Variants in RNF6 observed in about 807,000 individuals in gnomAD.
The protein encoded by RNF6 is ring finger protein 6, also known as E3 ubiquitin-protein ligase RNF6.
In RNF6, 21 loss-of-function variants were observed where a neutral mutation model predicts 50.1. The observed-to-expected ratio is 0.42, with a 90% confidence interval of 0.30 to 0.60. The LOEUF (loss-of-function observed/expected upper bound fraction) is 0.60. Ranked by LOEUF, RNF6 falls within the 20% of genes least tolerant of loss-of-function variation. The pLI is 0.20. For synonymous variants in RNF6, 255 were observed against 291.8 expected, an observed-to-expected ratio of 0.87 and a Z score of 1.29; for missense variants, 698 against 838.2, an observed-to-expected ratio of 0.83 and a Z score of 2.07.
intron 5 of RNF6, among the ~76,000 whole-genome samples, chr13:26,185,447 T>A (rs571743355): frequency 6.2e-4 from 95 of 152,200 alleles, no homozygotes; most frequent in African/African-American, 1.3e-3. Context: ...GCATTTTTTT[T>A]AAAAAAAGTT....
upstream of RNF6, chr13:26,222,416 C>G (rs752650636): frequency 6.6e-6 from 1 of 152,336 alleles, no homozygotes; most frequent in Non-Finnish European, 1.5e-5. Flanking sequence ...TGCCCGGCCG[C>G]TCAGCGCTCG....
At chr13:26,174,571 G>A (rs1008577934) in intron 5 of RNF6, among the ~76,000 whole-genome samples, 2 of 151,972 alleles carry the variant, frequency 1.3e-5, no homozygotes, top group Admixed American at 1.3e-4. Context: ...GCTGAGGCAG[G>A]AGAATCACTT....
intron 5 of RNF6, among the ~76,000 whole-genome samples, chr13:26,206,359 A>C (rs1869108958): frequency 6.6e-6 from 1 of 152,234 alleles, no homozygotes; most frequent in Non-Finnish European, 1.5e-5. Context: ...ACTGTGGTTA[A>C]GCAGACAGTG....
chr13:26,166,168 C>G (rs1171526055), intron 5 of RNF6, among the ~76,000 whole-genome samples: 1 of 152,204 alleles, frequency 6.6e-6, no homozygotes, highest in African/African-American at 2.4e-5. Flanking sequence ...AGTTTCCCTG[C>G]ACAATCTCTC....
At chr13:26,200,531 A>C (rs1830860) in intron 5 of RNF6, among the ~76,000 whole-genome samples, 1 of 151,336 alleles carries the variant, frequency 6.6e-6, no homozygotes, top group African/African-American at 2.4e-5. Context: ...TGCCTCAGCC[A>C]TGTAGCTGGG....
At chr13:26,188,942 G>A (rs4371022) in intron 5 of RNF6, among the ~76,000 whole-genome samples, 72,798 of 151,758 alleles carry the variant, frequency 0.48, 19,850 homozygotes, top group East Asian at 0.68. Context: ...ACAGATTTCT[G>A]AAGAGGTTGT....
chr13:26,172,576 C>G (rs750469457), intron 5 of RNF6, among the ~76,000 whole-genome samples: 4 of 150,958 alleles, frequency 2.6e-5, no homozygotes, highest in Non-Finnish European at 5.9e-5. Context: ...TGGAATCTTG[C>G]TCTGTCGCCC....
At chr13:26,164,023 T>C (rs1242232673) in intron 5 of RNF6, among the ~76,000 whole-genome samples, 2 of 152,102 alleles carry the variant, frequency 1.3e-5, no homozygotes, top group East Asian at 1.9e-4. Context: ...CCTAAATAAT[T>C]CACTGGAAAA....
rs145483016 is a variant in RNF6, at chr13:26,177,000, T to G, written n.768+38474A>C. Among the ~76,000 whole-genome samples, 16 of 152,126 alleles carry G rather than the reference T, an allele frequency of 1.1e-4. 1 individual carries two copies. The highest frequency in any genetic ancestry group is 7.2e-4 in the Admixed American group (11 of 15,276). On this transcript the variant is annotated intron_variant and non_coding_transcript_variant, in intron 5 of 5. Transcript: ENST00000468480. ...GAAGACAGAGACACAAAGTGGAGAA[T>G]GCCAAATGATGACAGCAACAGATAT...
At chr13:26,151,092 GT>G (rs1439040882) in intron 5 of RNF6, among the ~76,000 whole-genome samples, 20 of 152,162 alleles carry the variant, frequency 1.3e-4, no homozygotes, top group African/African-American at 4.6e-4. Flanking sequence ...TCCCTTGAGT[GT>G]GACACTATCA....
chr13:26,217,783 G>A (rs1299866260), intron 4 of RNF6, among the ~76,000 whole-genome samples: 1 of 152,188 alleles, frequency 6.6e-6, no homozygotes, highest in Non-Finnish European at 1.5e-5. Context: ...GTCACATGTG[G>A]CTAGCAGCTA....
intron 5 of RNF6, among the ~76,000 whole-genome samples, chr13:26,171,318 A>C (rs1409395264): frequency 1.3e-5 from 2 of 152,220 alleles, no homozygotes; most frequent in African/African-American, 4.8e-5. Context: ...GTCATTAGGG[A>C]AGCGCAAATC....
intron 5 of RNF6, among the ~76,000 whole-genome samples, chr13:26,173,631 A>T (rs1157548855): frequency 2.0e-5 from 3 of 152,162 alleles, no homozygotes; most frequent in African/African-American, 7.2e-5. Context: ...GGCAGAAGGA[A>T]GGAGCTGGAC....
At chr13:26,154,503 A>C (rs1871800721) in intron 5 of RNF6, among the ~76,000 whole-genome samples, 1 of 152,204 alleles carries the variant, frequency 6.6e-6, no homozygotes, top group Non-Finnish European at 1.5e-5. Context: ...TTATTTCACT[A>C]ATGATTGAGA....
At chr13:26,177,526 T>C (rs1873018207) in intron 5 of RNF6, among the ~76,000 whole-genome samples, 1 of 152,222 alleles carries the variant, frequency 6.6e-6, no homozygotes. Context: ...AGCCTATCTA[T>C]AATTCAACAC....
At chr13:26,178,683 T>C (rs916936345) in intron 5 of RNF6, among the ~76,000 whole-genome samples, 1 of 151,268 alleles carries the variant, frequency 6.6e-6, no homozygotes, top group African/African-American at 2.4e-5. Context: ...ATTTCAACTA[T>C]ATAATATTGT....
At chr13:26,145,772 G>A (rs558395017) in intron 5 of RNF6, among the ~76,000 whole-genome samples, 5 of 152,322 alleles carry the variant, frequency 3.3e-5, no homozygotes, top group African/African-American at 1.2e-4. Context: ...ATCACTGCAG[G>A]ATTGCAGGAT....
intron 5 of RNF6, among the ~76,000 whole-genome samples, chr13:26,163,421 C>A (rs1872309279): frequency 6.6e-6 from 1 of 152,098 alleles, no homozygotes; most frequent in South Asian, 2.1e-4. Context: ...CATGTAATTT[C>A]ATCTGTCAAT....
At chr13:26,219,289 C>T in intron 3 of RNF6, 168 bp downstream of exon 3, 1 of 556,178 alleles carries the variant, frequency 1.8e-6, no homozygotes, top group Non-Finnish European at 3.0e-6. Context: ...AATACAGAAG[C>T]CAGTGATTTT....
Sources: gnomAD v4.1 joint callset for allele counts (sites outside exome capture counted in the v4.1 genomes callset) on GRCh38, gnomAD v4.1.1 for gene constraint, MANE v1.5 for transcripts, NCBI Gene and HGNC (gene_info 2026-07-23, HGNC 2026-07-21) for gene names.